SLC23A2: variants seen among roughly 807,000 people sequenced by gnomAD.
SLC23A2 encodes solute carrier family 23 member 2.
Under a neutral mutation model 73.3 loss-of-function variants are expected in SLC23A2, and 36 were observed. The observed-to-expected ratio is 0.49, with a 90% CI of 0.38 to 0.65. SLC23A2 has a LOEUF of 0.65. Among genes scored for constraint, SLC23A2 ranks in the 30% least tolerant of loss-of-function variants. The pLI is 0.00. For synonymous variants in SLC23A2, 343 were observed against 327.3 expected, an observed-to-expected ratio of 1.05 and a Z score of -0.52; for missense variants, 507 against 841.6, an observed-to-expected ratio of 0.60 and a Z score of 4.92.
intron 2 of SLC23A2, among the ~76,000 whole-genome samples, chr20:4,953,681 G>A (rs1893855637): frequency 1.3e-5 from 2 of 152,104 alleles, no homozygotes; most frequent in Non-Finnish European, 1.5e-5. Context: ...TTGGGGTCAG[G>A]AGTTCAAGAC....
rs6116557 is a variant in SLC23A2 at position 4,862,130 on chromosome 20, C to T, written c.1487-45G>A. The T allele has an allele frequency of 0.067, 108,037 of 1,604,966 alleles. 5,150 individuals are homozygous for T. The highest frequency in any genetic ancestry group is 0.24 in the African/African-American group (17,580 of 74,644). On this transcript the variant is annotated intron_variant, in intron 14 of 16. Coordinates refer to ENST00000338244, the MANE Select transcript of SLC23A2 (RefSeq NM_005116.6). This position sits in a 1 kb window ranked among gnomAD's most constrained non-coding sequence, Gnocchi z 5.1. ...ACCACAAGCTCCAGCACCACTACAGCGGGGACAGCTCAAGGCAGGTGAGGG... is the reference window on the plus strand; with the variant it reads ...ACCACAAGCTCCAGCACCACTACAGTGGGGACAGCTCAAGGCAGGTGAGGG...
At chr20:4,958,068 C>G (rs939028722) in intron 2 of SLC23A2, among the ~76,000 whole-genome samples, 5 of 152,320 alleles carry the variant, frequency 3.3e-5, no homozygotes, top group Admixed American at 2.0e-4. Context: ...TCATCCAACT[C>G]TCAAAGCAAA....
upstream of SLC23A2, among the ~76,000 whole-genome samples, chr20:5,006,506 C>G (rs1041451224): frequency 4.6e-5 from 7 of 152,006 alleles, no homozygotes; most frequent in African/African-American, 1.4e-4. Flanking sequence ...TTAGTCTTTC[C>G]TATCATCAAA....
intron 4 of SLC23A2, among the ~76,000 whole-genome samples, chr20:4,907,729 A>G (rs1184728871): frequency 6.6e-6 from 1 of 152,158 alleles, no homozygotes; most frequent in Non-Finnish European, 1.5e-5. Context: ...AAAAGAATAT[A>G]GAAATTAACC....
chr20:4,940,579 C>G (rs1481103574), intron 2 of SLC23A2, among the ~76,000 whole-genome samples: 1 of 151,968 alleles, frequency 6.6e-6, no homozygotes, highest in African/African-American at 2.4e-5. Flanking sequence ...AAAAGTAAGA[C>G]CTAACGTCTA....
chr20:4,940,211 C>A (rs2087018633), intron 2 of SLC23A2, among the ~76,000 whole-genome samples: 1 of 151,990 alleles, frequency 6.6e-6, no homozygotes, highest in Non-Finnish European at 1.5e-5. Flanking sequence ...CTCAGCAACT[C>A]GGGAGGCTGA....
chr20:4,858,949 T>A (rs959121541), intron 16 of SLC23A2, among the ~76,000 whole-genome samples: 1 of 152,130 alleles, frequency 6.6e-6, no homozygotes, highest in Admixed American at 6.5e-5. Flanking sequence ...TCAGATCAGA[T>A]GAAACCCACA....
intron 4 of SLC23A2, among the ~76,000 whole-genome samples, chr20:4,905,193 C>T (rs1167113077): frequency 6.6e-6 from 1 of 150,802 alleles, no homozygotes; most frequent in Non-Finnish European, 1.5e-5. Context: ...CATGTATGCA[C>T]ATGCACACAC....
chr20:4,921,241 G>A lies in SLC23A2; in HGVS notation c.109-8263C>T, dbSNP rs531915431. Among the ~76,000 whole-genome samples, 5 of 152,298 alleles carry A rather than the reference G, an allele frequency of 3.3e-5. No homozygotes were observed. The South Asian group carries it at 8.3e-4, about 25-fold the overall frequency. ...TTAAAGTCTTCATAAAGCAGATTGT[G>A]TGTTGATGAGAATTTTATAAAAGAA... On this transcript the variant is annotated intron_variant, in intron 3 of 16. Transcript: ENST00000338244.
At chr20:5,000,899 C>A (rs2088109155) in intron 1 of SLC23A2, among the ~76,000 whole-genome samples, 1 of 152,168 alleles carries the variant, frequency 6.6e-6, no homozygotes, top group Non-Finnish European at 1.5e-5. Context: ...GGGAAGAAAG[C>A]AAGAATGTAA....
At chr20:4,871,488 T>C (rs1294821402) in intron 11 of SLC23A2, among the ~76,000 whole-genome samples, 4 of 152,164 alleles carry the variant, frequency 2.6e-5, no homozygotes, top group Admixed American at 6.5e-5. Context: ...AGGCAAGTTC[T>C]GGAAGTGTTC....
intron 1 of SLC23A2, among the ~76,000 whole-genome samples, chr20:4,988,917 G>C (rs931612964): frequency 6.6e-6 from 1 of 151,510 alleles, no homozygotes; most frequent in Non-Finnish European, 1.5e-5. Flanking sequence ...TCAAGGAAAG[G>C]GAAAGGGAAA....
chr20:4,986,053 A>G (rs1240487240), intron 1 of SLC23A2, among the ~76,000 whole-genome samples: 1 of 152,196 alleles, frequency 6.6e-6, no homozygotes, highest in African/African-American at 2.4e-5. Context: ...TCCATAGGAT[A>G]GTATGAATAA....
chr20:4,942,946 C>A (rs1255170807), intron 2 of SLC23A2, among the ~76,000 whole-genome samples: 1 of 151,970 alleles, frequency 6.6e-6, no homozygotes, highest in Non-Finnish European at 1.5e-5. Flanking sequence ...ATCTTTAAGG[C>A]TGGGCACAGT....
At chr20:4,973,700 C>T (rs2087600453) in intron 1 of SLC23A2, among the ~76,000 whole-genome samples, 1 of 152,170 alleles carries the variant, frequency 6.6e-6, no homozygotes, top group South Asian at 2.1e-4. Flanking sequence ...ACTCTGGAAA[C>T]ATGAAAACTG....
At chr20:4,904,382 C>T (rs535452605) in intron 4 of SLC23A2, among the ~76,000 whole-genome samples, 9 of 152,276 alleles carry the variant, frequency 5.9e-5, no homozygotes, top group African/African-American at 2.2e-4. Context: ...CAAGCCTGTG[C>T]CTGGTGTCTC....
chr20:4,895,491 C>G (rs1931485319), intron 6 of SLC23A2, among the ~76,000 whole-genome samples: 1 of 152,168 alleles, frequency 6.6e-6, no homozygotes, highest in Non-Finnish European at 1.5e-5. Flanking sequence ...TATGCAAAAA[C>G]TCCCAAAAAG....
chr20:4,925,248 GC>G (rs1254336149), intron 3 of SLC23A2, among the ~76,000 whole-genome samples: 6 of 151,706 alleles, frequency 4.0e-5, no homozygotes, highest in Non-Finnish European at 8.8e-5. Context: ...GTTCTCTAGA[GC>G]CCAGACCTGT....
chr20:4,925,950 C>G (rs1932657967), intron 3 of SLC23A2, among the ~76,000 whole-genome samples: 1 of 152,232 alleles, frequency 6.6e-6, no homozygotes, highest in Admixed American at 6.5e-5. Context: ...CAAACCCTAA[C>G]ACTGATGGTA....
Sources: gnomAD v4.1 joint callset for allele counts (sites outside exome capture counted in the v4.1 genomes callset) on GRCh38, gnomAD v4.1.1 for gene constraint, Gnocchi (gnomAD v3.1) non-coding constraint, MANE v1.5 for transcripts, NCBI Gene and HGNC (gene_info 2026-07-23, HGNC 2026-07-21) for gene names.